Variants in PIAS4 observed in about 807,000 individuals in gnomAD.
PIAS4 encodes E3 SUMO-protein ligase PIAS4.
PIAS4 carries 7 observed loss-of-function variants against 58.0 expected under a neutral mutation model. That is an observed-to-expected ratio of 0.12 (90% confidence interval 0.07 to 0.23). The LOEUF (loss-of-function observed/expected upper bound fraction) is 0.23. PIAS4 is among the 10% of genes least tolerant of loss of function. The probability of loss-of-function intolerance (pLI) is 1.00; values close to 1 mark genes in which losing one functional copy is unlikely to be tolerated. For synonymous variants in PIAS4, 364 were observed against 312.4 expected, an observed-to-expected ratio of 1.17 and a Z score of -1.74; for missense variants, 550 against 709.5, an observed-to-expected ratio of 0.78 and a Z score of 2.55.
rs545809412 is a variant in PIAS4, at chr19:4,021,954, G to T, written c.455-2082G>T. Among the ~76,000 whole-genome samples, 9 of 152,022 alleles carry T rather than the reference G, an allele frequency of 5.9e-5. No homozygotes were observed. In the South Asian group the frequency reaches 8.3e-4, roughly 14 times the overall value. ...TGTAGAGACAAGGTCTCACTTTGTT[G>T]CCCAGGCTGGCCTCAAACTCCTGGG... On this transcript the variant is annotated intron_variant, in intron 2 of 10. Coordinates refer to ENST00000262971, the MANE Select transcript of PIAS4 (RefSeq NM_015897.4).
rs2040326956 is a variant in PIAS4 at position 4,038,411 on chromosome 19, C to G, written c.*536C>G. ...ACGCGCCGAGCAGCGAGCGTTTTAG[C>G]CGAGAAGCCATGGAGTGGGTTGGGG... On this transcript the variant is annotated 3_prime_UTR_variant, in exon 11 of 11. Coordinates refer to ENST00000262971, the MANE Select transcript of PIAS4 (RefSeq NM_015897.4). The surrounding 1 kb of genome is among the most constrained non-coding windows in gnomAD (Gnocchi z 4.1). The G allele has an allele frequency of 6.7e-6, 1 of 148,674 alleles. No individual in the cohort carries two copies. The highest frequency in any genetic ancestry group is 6.7e-5 in the Admixed American group (1 of 14,982). The allele number at this position is 148,674 out of a possible 1,614,324, so 9.2% of individuals were successfully genotyped here.
At position 4,013,303 on chromosome 19, in the gene PIAS4, G is replaced by C. The variant is rs374296437; in HGVS notation, c.408G>C (p.Leu136=). The change falls in exon 2 of 11, where the codon CTG becomes CTC. Residue 136 remains leucine, a synonymous_variant. Coordinates refer to ENST00000262971, the MANE Select transcript of PIAS4 (RefSeq NM_015897.4). This position sits in a 1 kb window ranked among gnomAD's most constrained non-coding sequence, Gnocchi z 5.1. Reference sequence around the variant, plus strand: ...AGCCAGAAGTCCGCCTGGTGAAGCTGCCGTTCTTTAATATGCTGGATGAGC... The same window carrying C: ...AGCCAGAAGTCCGCCTGGTGAAGCTCCCGTTCTTTAATATGCTGGATGAGC... The part of the protein sequence containing the change: ...TLKPEVRLVK[L]PFFNMLDELL... 2 of 1,613,274 alleles carry C rather than the reference G, an allele frequency of 1.2e-6. No homozygotes were observed. Among genetic ancestry groups the C allele is most frequent in the Admixed American group, 1.7e-5 (1 of 60,018 alleles).
rs1182799731 is a variant in PIAS4 at position 4,030,488 on chromosome 19, A to G, written c.907+1452A>G. 7.9e-5 allele frequency among the ~76,000 whole-genome samples: 12 copies of G among 152,102 alleles called. No individual in the cohort carries two copies. In the East Asian group the frequency reaches 2.1e-3, roughly 27 times the overall value. On this transcript the variant is annotated intron_variant, in intron 7 of 10. Coordinates refer to ENST00000262971, the MANE Select transcript of PIAS4 (RefSeq NM_015897.4). ...CAAAAAATTAGCCAGGCGTGGTGGC[A>G]GGCACCTGTAGTCCCAGCTACTCGG...
chr19:4,030,699 C>T (rs1487116914), intron 7 of PIAS4, among the ~76,000 whole-genome samples: 1 of 152,134 alleles, frequency 6.6e-6, no homozygotes, highest in Non-Finnish European at 1.5e-5. Flanking sequence ...AGCCAGCGTA[C>T]AGCAGTTAGC....
intron 2 of PIAS4, among the ~76,000 whole-genome samples, chr19:4,016,702 G>T (rs1238699368): frequency 1.3e-5 from 2 of 152,214 alleles, no homozygotes; most frequent in Non-Finnish European, 2.9e-5. Context: ...CAAGAAGCCA[G>T]GCAGAGAGGA....
At chr19:4,012,686 G>C (rs1484015424) in intron 1 of PIAS4, among the ~76,000 whole-genome samples, 1 of 152,054 alleles carries the variant, frequency 6.6e-6, no homozygotes, top group East Asian at 1.9e-4. Context: ...GGCCTAGTCA[G>C]AGGCGCTTTT....
chr19:4,036,810 CAT>C (rs1568222806), intron 9 of PIAS4, among the ~76,000 whole-genome samples: 6 of 149,258 alleles, frequency 4.0e-5, no homozygotes, highest in South Asian at 2.1e-4. Flanking sequence ...CACACCGTCA[CAT>C]ATCTGTACAG....
chr19:4,030,870 T>C (rs1028841697), intron 7 of PIAS4, among the ~76,000 whole-genome samples: 2 of 151,682 alleles, frequency 1.3e-5, no homozygotes, highest in East Asian at 3.9e-4. Flanking sequence ...GCCTGTCTTA[T>C]GGAGAGGCTA....
rs73918127 is a variant in PIAS4 at position 4,037,973 on chromosome 19, A to C, written c.*98A>C. 2.1e-3 allele frequency: 2,789 copies of C among 1,311,992 alleles called. 51 individuals carry two copies. In the African/African-American group the frequency reaches 0.037, roughly 17 times the overall value. The allele number at this position is 1,311,992 out of a possible 1,614,324, so 81.3% of individuals were successfully genotyped here. ...AGGAGTGACCTTTCTTTTTCTTTTT[A>C]TTGTCGTTCGTTTTGTTTTTCCACC... On this transcript the variant is annotated 3_prime_UTR_variant, in exon 11 of 11. Transcript: ENST00000262971. The surrounding 1 kb of genome is among the most constrained non-coding windows in gnomAD (Gnocchi z 5.8).
intron 2 of PIAS4, 90 bp from the exon 3 acceptor site, chr19:4,023,946 G>C: frequency 1.2e-6 from 1 of 866,456 alleles, no homozygotes; most frequent in Non-Finnish European, 2.0e-6. Context: ...CCTGTTTCCT[G>C]GTCTGAAGAG....
At chr19:4,012,764 G>A (rs934552997) in intron 1 of PIAS4, among the ~76,000 whole-genome samples, 159 bp from the exon 2 acceptor site, 1 of 151,986 alleles carries the variant, frequency 6.6e-6, no homozygotes, top group Non-Finnish European at 1.5e-5. Flanking sequence ...GCTGGGAGGG[G>A]GCACCGTAGG....
At chr19:4,023,970 A>G in intron 2 of PIAS4, 66 bp from the exon 3 acceptor site, 1 of 1,102,862 alleles carries the variant, frequency 9.1e-7, no homozygotes, top group South Asian at 1.2e-5. Context: ...CAGGCTGGGA[A>G]AAGCGACTGG....
chr19:4,032,294 G>A (rs918529274), intron 7 of PIAS4, among the ~76,000 whole-genome samples: 4 of 152,160 alleles, frequency 2.6e-5, no homozygotes, highest in African/African-American at 9.7e-5. Flanking sequence ...GGTCCACCAG[G>A]CAGCTGAGGG....
Position 4,037,330 on chromosome 19 carries a change from T to TGGGGGGGGGGGGGTTTGGGGGGGGGG in PIAS4, c.1143-40_1143-39insGGGGGGGGGTTTGGGGGGGGGGGGGG. ...ATGGAGGGCTGGGGAGTTGGGGGGG[T>TGGGGGGGGGGGGGTTTGGGGGGGGGG]GGGGCACCTCCAGCCCCGGCGTCAG... On this transcript the variant is annotated intron_variant, in intron 9 of 10. Coordinates refer to ENST00000262971, the MANE Select transcript of PIAS4 (RefSeq NM_015897.4). This position sits in a 1 kb window ranked among gnomAD's most constrained non-coding sequence, Gnocchi z 5.8. 1 of 957,634 alleles carries TGGGGGGGGGGGGGTTTGGGGGGGGGG rather than the reference T, an allele frequency of 1.0e-6. No homozygotes were observed. The highest frequency in any genetic ancestry group is 1.5e-6 in the Non-Finnish European group (1 of 667,682). 59.3% of individuals were successfully genotyped at this position (957,634 alleles called of 1,614,324 possible). A position where few individuals can be genotyped will look rare whatever the true frequency, so the allele number is the denominator to read the frequency against.
At chr19:4,035,809 ACATC>A (rs1453261689) in intron 9 of PIAS4, among the ~76,000 whole-genome samples, 1 of 152,058 alleles carries the variant, frequency 6.6e-6, no homozygotes, top group African/African-American at 2.4e-5. Context: ...ACACCCGCAC[ACATC>A]CATACAGTCC....
rs765143575 is a variant in PIAS4 at position 4,037,519 on chromosome 19, C to T, written c.1273+15C>T. ...CCTCGTGCTGGGTGAGTGCCTCACCCCACCAGCCGCGCAGTCCGCAGCCAG... is the reference window on the plus strand; with the variant it reads ...CCTCGTGCTGGGTGAGTGCCTCACCTCACCAGCCGCGCAGTCCGCAGCCAG... On this transcript the variant is annotated intron_variant, in intron 10 of 10. Coordinates refer to ENST00000262971, the MANE Select transcript of PIAS4 (RefSeq NM_015897.4). This position sits in a 1 kb window ranked among gnomAD's most constrained non-coding sequence, Gnocchi z 5.8. 2 of 1,609,206 alleles carry T rather than the reference C, an allele frequency of 1.2e-6. No homozygotes were observed. The highest frequency in any genetic ancestry group is 1.7e-6 in the Non-Finnish European group (2 of 1,179,522).
intron 3 of PIAS4, 70 bp downstream of exon 3, chr19:4,024,190 A>T: frequency 3.7e-6 from 4 of 1,091,018 alleles, no homozygotes; most frequent in Non-Finnish European, 4.1e-6. Context: ...CTCACTGGGG[A>T]GAGCCGGCAG....
intron 3 of PIAS4, among the ~76,000 whole-genome samples, chr19:4,027,099 G>A (rs751851688): frequency 7.3e-5 from 11 of 151,564 alleles, no homozygotes; most frequent in African/African-American, 2.7e-4. Flanking sequence ...TTATCCGCCC[G>A]CCTCGGCCTC....
At position 4,028,704 on chromosome 19, in the gene PIAS4, G is replaced by A; in HGVS notation, c.673-16G>A. ...GCCGCTCTTGGCTCGAGGCTGAGCG[G>A]CCCATCTGCTTGCAGGGCTACTACC... On this transcript the variant is annotated splice_polypyrimidine_tract_variant and intron_variant, in intron 5 of 10. Coordinates refer to ENST00000262971, the MANE Select transcript of PIAS4 (RefSeq NM_015897.4). 1.9e-6 allele frequency: 3 copies of A among 1,605,434 alleles called. No individual in the cohort carries two copies. The highest frequency in any genetic ancestry group is 2.6e-6 in the Non-Finnish European group (3 of 1,174,774).
Sources: gnomAD v4.1 joint callset for allele counts (sites outside exome capture counted in the v4.1 genomes callset) on GRCh38, gnomAD v4.1.1 for gene constraint, Gnocchi (gnomAD v3.1) non-coding constraint, MANE v1.5 for transcripts, NCBI Gene and HGNC (gene_info 2026-07-23, HGNC 2026-07-21) for gene names.